Variants in PUS10 observed in about 807,000 individuals in gnomAD.
The protein encoded by PUS10 is pseudouridine synthase 10.
A neutral mutation model predicts 75.0 loss-of-function variants in PUS10; 59 were observed. The observed-to-expected ratio is 0.79, with a 90% CI of 0.64 to 0.98. The LOEUF (loss-of-function observed/expected upper bound fraction) is 0.98. PUS10 is among the 50% of genes least tolerant of loss of function. The pLI is 0.00. For synonymous variants in PUS10, 219 were observed against 211.6 expected (o/e 1.03, Z -0.30); for missense variants, 650 against 614.4 (o/e 1.06, Z -0.61).
At chr2:60,989,938 A>C (rs1189557270) in intron 4 of PUS10, among the ~76,000 whole-genome samples, 1 of 152,126 alleles carries the variant, frequency 6.6e-6, no homozygotes, top group African/African-American at 2.4e-5. Flanking sequence ...ACTGCTTCTT[A>C]TTCTGTACTC....
chr2:60,944,389 A>T, intron 17 of PUS10: 1 of 221,852 alleles, frequency 4.5e-6, no homozygotes, highest in Non-Finnish European at 7.6e-6. Context: ...ATTCCCAAGT[A>T]CAAATCCCCA....
intron 4 of PUS10, among the ~76,000 whole-genome samples, chr2:60,979,565 CT>C (rs1677254883): frequency 6.6e-6 from 1 of 152,230 alleles, no homozygotes; most frequent in Non-Finnish European, 1.5e-5. Flanking sequence ...TCAAAACTTT[CT>C]TCTTTTCCCC....
chr2:60,962,971 G>T, intron 8 of PUS10, 81 bp from the exon 9 acceptor site: 2 of 1,453,214 alleles, frequency 1.4e-6, no homozygotes, highest in Admixed American at 3.3e-5. Flanking sequence ...GAACATGGCT[G>T]GAGAAATTGT....
At chr2:60,989,747 T>C (rs929552745) in intron 4 of PUS10, among the ~76,000 whole-genome samples, 1 of 152,092 alleles carries the variant, frequency 6.6e-6, no homozygotes, top group Non-Finnish European at 1.5e-5. Context: ...GCCTCCCAAG[T>C]AGCTGGGACT....
Position 60,993,531 on chromosome 2 carries a change from T to C in PUS10, c.468+13026A>G, listed in dbSNP as rs150398986. On this transcript the variant is annotated intron_variant, in intron 4 of 17. Transcript: ENST00000316752. ...TTACATTAAGAAAAACTGGATAACTTTGCATAATAAACATAATGGCAAGGA... is the reference window on the plus strand; with the variant it reads ...TTACATTAAGAAAAACTGGATAACTCTGCATAATAAACATAATGGCAAGGA... Among the ~76,000 whole-genome samples, 15 of 152,220 alleles carry C rather than the reference T, an allele frequency of 9.9e-5. No individual in the cohort carries two copies. The East Asian group carries it at 2.1e-3, about 22-fold the overall frequency.
chr2:61,017,653 G>A (rs1002262422), intron 1 of PUS10: 8 of 820,610 alleles, frequency 9.7e-6, no homozygotes, highest in Admixed American at 4.9e-5. Flanking sequence ...GGGTGGGCGG[G>A]GTGGACGGCT....
chr2:60,948,510 C>T (rs1312202662), intron 15 of PUS10, among the ~76,000 whole-genome samples: 2 of 152,054 alleles, frequency 1.3e-5, no homozygotes, highest in Non-Finnish European at 2.9e-5. Flanking sequence ...TACAGGTGTG[C>T]TCCACTGCGC....
intron 4 of PUS10, among the ~76,000 whole-genome samples, chr2:60,997,606 T>A (rs1225730794): frequency 4.1e-5 from 4 of 96,604 alleles, no homozygotes; most frequent in Non-Finnish European, 7.1e-5. Flanking sequence ...CAAGACTCCA[T>A]CTCAAAAAAA....
chr2:61,016,561 TG>T (rs1420873988), intron 1 of PUS10, among the ~76,000 whole-genome samples: 1 of 152,198 alleles, frequency 6.6e-6, no homozygotes, highest in East Asian at 1.9e-4. Flanking sequence ...TTTTCGTTTA[TG>T]TGTTTGTTTT....
chr2:61,009,509 A>G (rs1679463599), intron 2 of PUS10, among the ~76,000 whole-genome samples: 1 of 152,234 alleles, frequency 6.6e-6, no homozygotes, highest in Admixed American at 6.5e-5. Context: ...ATAAGTAAAA[A>G]TAATTTGGAG....
chr2:60,949,288 T>C (rs1460413955), intron 15 of PUS10, among the ~76,000 whole-genome samples: 2 of 152,200 alleles, frequency 1.3e-5, no homozygotes, highest in Admixed American at 6.5e-5. Context: ...AAGAAATCTA[T>C]AAAGACATGG....
chr2:61,013,951 A>AAAC (rs34082267), intron 1 of PUS10, among the ~76,000 whole-genome samples: 21,443 of 151,190 alleles, frequency 0.14, 1,813 homozygotes, highest in Non-Finnish European at 0.19. Flanking sequence ...AAATACAAAC[A>AAAC]AACAACAACA....
chr2:60,967,380 T>TA (rs969814643), intron 6 of PUS10, 122 bp downstream of exon 6: 2 of 640,786 alleles, frequency 3.1e-6, no homozygotes, highest in Non-Finnish European at 5.5e-6. Flanking sequence ...TTTAAAAGCT[T>TA]AAAAAATCCT....
At chr2:60,968,126 A>G (rs1676453324) in intron 5 of PUS10, among the ~76,000 whole-genome samples, 1 of 152,162 alleles carries the variant, frequency 6.6e-6, no homozygotes, top group Admixed American at 6.5e-5. Context: ...CTAAAGTATC[A>G]ATGTTCTGAA....
At chr2:60,984,324 T>A (rs1677586950) in intron 4 of PUS10, among the ~76,000 whole-genome samples, 1 of 152,076 alleles carries the variant, frequency 6.6e-6, no homozygotes, top group African/African-American at 2.4e-5. Context: ...CTAGTAAACA[T>A]ATAAAAAGAT....
At chr2:60,999,597 G>A (rs1253955662) in intron 4 of PUS10, among the ~76,000 whole-genome samples, 1 of 152,148 alleles carries the variant, frequency 6.6e-6, no homozygotes, top group Non-Finnish European at 1.5e-5. Flanking sequence ...TCTGGCCTGG[G>A]TGACAGAGAG....
At chr2:61,015,228 A>G (rs1679888976) in intron 1 of PUS10, among the ~76,000 whole-genome samples, 1 of 152,230 alleles carries the variant, frequency 6.6e-6, no homozygotes, top group Admixed American at 6.5e-5. Flanking sequence ...GGCCAGGCCC[A>G]GTGGCTCACG....
chr2:61,005,222 T>C (rs1417323946), intron 4 of PUS10, among the ~76,000 whole-genome samples: 1 of 152,124 alleles, frequency 6.6e-6, no homozygotes, highest in African/African-American at 2.4e-5. Flanking sequence ...GATGGCGCCA[T>C]TGTACTCCAG....
chr2:61,016,598 C>T (rs1679993963), intron 1 of PUS10, among the ~76,000 whole-genome samples: 2 of 152,164 alleles, frequency 1.3e-5, no homozygotes, highest in Admixed American at 1.3e-4. Context: ...TAACAAGTTG[C>T]TACAAAGCCG....
Sources: gnomAD v4.1 joint callset for allele counts (sites outside exome capture counted in the v4.1 genomes callset) on GRCh38, gnomAD v4.1.1 for gene constraint, MANE v1.5 for transcripts, NCBI Gene and HGNC (gene_info 2026-07-23, HGNC 2026-07-21) for gene names.